Variants in USP10 observed in about 807,000 individuals in gnomAD.
USP10 encodes ubiquitin specific peptidase 10.
Under a neutral mutation model 84.5 loss-of-function variants are expected in USP10, and 22 were observed. That is an observed-to-expected ratio of 0.26 (90% CI 0.19 to 0.37). The LOEUF is 0.37. Ranked by LOEUF, USP10 falls within the 10% of genes least tolerant of loss-of-function variation. The pLI is 1.00. For synonymous variants in USP10, 454 were observed against 387.6 expected (o/e 1.17, Z -2.01); for missense variants, 1,019 against 998.9 (o/e 1.02, Z -0.27).
At chr16:84,760,061 A>G in intron 7 of USP10, 111 bp from the exon 8 acceptor site, 8 of 1,510,046 alleles carry the variant, frequency 5.3e-6, no homozygotes, top group Non-Finnish European at 7.3e-6. Context: ...CACCTATGCC[A>G]TTCTCAACAT....
rs572473991 is a variant in USP10, at chr16:84,778,944, C to T, written c.2259C>T (p.Asp753=). 7.7e-5 allele frequency: 125 copies of T among 1,613,966 alleles called. No homozygotes were observed. In the Middle Eastern group the frequency reaches 8.3e-4, roughly 11 times the overall value. The change falls in exon 14 of 14, where the codon GAC becomes GAT. Residue 753 remains aspartate (D), a synonymous_variant. Coordinates refer to ENST00000219473, the MANE Select transcript of USP10 (RefSeq NM_005153.3). ...NSATGGHYTT[D]VFQIGLNGWL... is the part of the protein sequence containing the mutation. ...CGACGGGCGGCCATTACACTACAGACGTCTTCCAGATCGGTCTGAATGGCT... is the reference window on the plus strand; with the variant it reads ...CGACGGGCGGCCATTACACTACAGATGTCTTCCAGATCGGTCTGAATGGCT...
intron 1 of USP10, among the ~76,000 whole-genome samples, chr16:84,712,740 C>A (rs1906480708): frequency 6.6e-6 from 1 of 152,184 alleles, no homozygotes; most frequent in Non-Finnish European, 1.5e-5. Flanking sequence ...CTAAGCTGCT[C>A]TTCAGGTTCT....
intron 1 of USP10, among the ~76,000 whole-genome samples, chr16:84,724,672 G>T (rs1908228293): frequency 6.6e-6 from 1 of 152,202 alleles, no homozygotes; most frequent in South Asian, 2.1e-4. Context: ...ACTTAGTTCA[G>T]CTTGCAGTTG....
At chr16:84,723,851 C>T (rs1479705114) in intron 1 of USP10, among the ~76,000 whole-genome samples, 1 of 152,216 alleles carries the variant, frequency 6.6e-6, no homozygotes, top group African/African-American at 2.4e-5. Context: ...TGTCATTCCC[C>T]AGAATGACAT....
intron 4 of USP10, among the ~76,000 whole-genome samples, chr16:84,753,435 A>AG: frequency 6.6e-6 from 1 of 152,074 alleles, no homozygotes; most frequent in South Asian, 2.1e-4. Flanking sequence ...TTTATTTTCT[A>AG]GGGGGGATTC....
intron 2 of USP10, among the ~76,000 whole-genome samples, chr16:84,734,629 T>C (rs964453): frequency 0.25 from 38,116 of 152,174 alleles, 5,089 homozygotes; most frequent in Admixed American, 0.41. Flanking sequence ...GAGTACACTT[T>C]CAACTTTAAT....
intron 11 of USP10, among the ~76,000 whole-genome samples, chr16:84,768,764 T>A (rs1206213271): frequency 6.6e-6 from 1 of 152,252 alleles, no homozygotes; most frequent in African/African-American, 2.4e-5. Flanking sequence ...GTTTTGCATT[T>A]GATTGTAGAT....
At chr16:84,714,667 A>G (rs758543131) in intron 1 of USP10, among the ~76,000 whole-genome samples, 28 of 152,054 alleles carry the variant, frequency 1.8e-4, no homozygotes, top group Non-Finnish European at 3.5e-4. Context: ...TTTTGGTCCA[A>G]TTTTTAGTTG....
chr16:84,708,946 A>G (rs1905905118), intron 1 of USP10: 2 of 152,224 alleles, frequency 1.3e-5, no homozygotes, highest in South Asian at 4.1e-4. Flanking sequence ...CTGGGTAGTG[A>G]GGGAGAGAAG....
intron 1 of USP10, among the ~76,000 whole-genome samples, chr16:84,710,138 C>G (rs1257696991): frequency 6.6e-6 from 1 of 151,930 alleles, no homozygotes; most frequent in African/African-American, 2.4e-5. Context: ...GGCGTGGTGG[C>G]GCATGTCTGT....
chr16:84,736,842 G>C (rs1010023848), intron 2 of USP10, among the ~76,000 whole-genome samples: 2 of 152,222 alleles, frequency 1.3e-5, no homozygotes, highest in African/African-American at 4.8e-5. Context: ...AGGCTGGACT[G>C]CAGGGGCGTG....
intron 4 of USP10, among the ~76,000 whole-genome samples, chr16:84,754,439 A>G (rs532096881): frequency 6.6e-6 from 1 of 152,316 alleles, no homozygotes; most frequent in South Asian, 2.1e-4. Context: ...AAAGGCTTGA[A>G]GGAAAGCTTG....
intron 4 of USP10, among the ~76,000 whole-genome samples, chr16:84,754,984 T>TC (rs926037765): frequency 8.5e-6 from 1 of 118,028 alleles, no homozygotes; most frequent in African/African-American, 3.3e-5. Flanking sequence ...CTAGACTTTG[T>TC]CCCAGAAAAA....
intron 4 of USP10, among the ~76,000 whole-genome samples, chr16:84,751,673 C>T (rs1911955039): frequency 6.6e-6 from 1 of 152,176 alleles, no homozygotes; most frequent in South Asian, 2.1e-4. Flanking sequence ...AGTGTGTGTT[C>T]TTCCAAATTG....
At chr16:84,717,650 A>G (rs1298153270) in intron 1 of USP10, among the ~76,000 whole-genome samples, 2 of 152,150 alleles carry the variant, frequency 1.3e-5, no homozygotes, top group Non-Finnish European at 2.9e-5. Context: ...GTTATTGCAG[A>G]TACCCAGGCA....
chr16:84,719,800 T>G (rs1043276906), intron 1 of USP10, among the ~76,000 whole-genome samples: 2 of 152,280 alleles, frequency 1.3e-5, no homozygotes, highest in African/African-American at 4.8e-5. Flanking sequence ...TTAGGATTTT[T>G]GCTGGTAAAG....
At chr16:84,711,610 C>T (rs553002767) in intron 1 of USP10, among the ~76,000 whole-genome samples, 3 of 152,056 alleles carry the variant, frequency 2.0e-5, no homozygotes, top group African/African-American at 7.2e-5. Context: ...TCTGTTGCTT[C>T]TTACCTCTTT....
chr16:84,706,126 T>C (rs1344497609), intron 1 of USP10, among the ~76,000 whole-genome samples: 1 of 152,118 alleles, frequency 6.6e-6, no homozygotes, highest in Non-Finnish European at 1.5e-5. Flanking sequence ...AAGGGATCCC[T>C]TCTGCTTCAG....
intron 1 of USP10, among the ~76,000 whole-genome samples, chr16:84,719,250 C>T (rs547497834): frequency 6.6e-6 from 1 of 152,050 alleles, no homozygotes; most frequent in Non-Finnish European, 1.5e-5. Flanking sequence ...TTTATAATTT[C>T]TTTTTTAACT....
Sources: gnomAD v4.1 joint callset for allele counts (sites outside exome capture counted in the v4.1 genomes callset) on GRCh38, gnomAD v4.1.1 for gene constraint, MANE v1.5 for transcripts, NCBI Gene and HGNC (gene_info 2026-07-23, HGNC 2026-07-21) for gene names.